The following ASH1L variants were observed in gnomAD, a reference collection of about 807,000 sequenced individuals.
ASH1L encodes the protein histone-lysine N-methyltransferase ASH1L.
In ASH1L, 23 loss-of-function variants were observed where a neutral mutation model predicts 269.0. The ratio of observed to expected loss-of-function variants is 0.09; its 90% CI spans 0.06 to 0.12. The LOEUF is 0.12. Among genes scored for constraint, ASH1L ranks in the 10% least tolerant of loss-of-function variants. ASH1L has a pLI of 1.00. For missense variants in ASH1L, 2,912 were observed against 3,567.8 expected (o/e 0.82, Z 4.68); for synonymous variants, 1,187 against 1,253.5 (o/e 0.95, Z 1.12).
intron 10 of ASH1L, among the ~76,000 whole-genome samples, chr1:155,377,145 G>C (rs1656527450): frequency 6.6e-6 from 1 of 151,608 alleles, no homozygotes; most frequent in South Asian, 2.1e-4. Context: ...GACCTCAGGT[G>C]ACCTGCCTGC....
At chr1:155,405,113 TA>T (rs964746120) in intron 6 of ASH1L, among the ~76,000 whole-genome samples, 6 of 148,982 alleles carry the variant, frequency 4.0e-5, no homozygotes, top group South Asian at 4.3e-4. Flanking sequence ...AGCAGTAAAT[TA>T]AAAAAAAATT....
intron 3 of ASH1L, among the ~76,000 whole-genome samples, chr1:155,476,294 G>C (rs1212710302): frequency 6.6e-6 from 1 of 151,980 alleles, no homozygotes; most frequent in East Asian, 2.0e-4. Context: ...GGTGAGGCAG[G>C]AGAATCGCTT....
intron 6 of ASH1L, among the ~76,000 whole-genome samples, chr1:155,407,803 C>G (rs1369279036): frequency 6.6e-6 from 1 of 151,660 alleles, no homozygotes; most frequent in Non-Finnish European, 1.5e-5. Flanking sequence ...TGAAAAAACT[C>G]AGTCACAAAA....
Position 155,545,175 on chromosome 1 carries a change from C to CAAAAAAAAAAAAAAAA in ASH1L, c.-100+16962_-100+16977dup, listed in dbSNP as rs10624841. On this transcript the variant is annotated intron_variant, in intron 1 of 27. Coordinates refer to ENST00000392403, the MANE Select transcript of ASH1L (RefSeq NM_018489.3). ...CAAGAAGAGCAAAACTCCATCTCAC[C>CAAAAAAAAAAAAAAAA]AAAAAAAAAAAAAAAAAAAAAAAAA... 2.8e-4 allele frequency among the ~76,000 whole-genome samples: 6 copies of CAAAAAAAAAAAAAAAA among 21,778 alleles called. 1 individual carries two copies. Among genetic ancestry groups the CAAAAAAAAAAAAAAAA allele is most frequent in the African/African-American group, 8.6e-4 (4 of 4,634 alleles). 14.3% of individuals were successfully genotyped at this position (21,778 alleles called of 152,430 possible).
chr1:155,551,269 T>C (rs1671180494), intron 1 of ASH1L, among the ~76,000 whole-genome samples: 1 of 151,168 alleles, frequency 6.6e-6, no homozygotes, highest in African/African-American at 2.5e-5. Context: ...ACACAGTATC[T>C]TTTCCTCGGG....
intron 13 of ASH1L, among the ~76,000 whole-genome samples, chr1:155,359,749 C>A (rs1654771492): frequency 6.6e-6 from 1 of 152,034 alleles, no homozygotes; most frequent in African/African-American, 2.4e-5. Flanking sequence ...CTAGTTTTTG[C>A]ATTTTTTTGG....
At chr1:155,409,634 TA>T (rs1335406668) in intron 6 of ASH1L, among the ~76,000 whole-genome samples, 2 of 152,198 alleles carry the variant, frequency 1.3e-5, no homozygotes, top group Admixed American at 6.5e-5. Context: ...AAGTTTTATT[TA>T]TTTTTATTTT....
chr1:155,339,890 G>A (rs960673219), intron 25 of ASH1L, among the ~76,000 whole-genome samples: 1 of 152,026 alleles, frequency 6.6e-6, no homozygotes, highest in African/African-American at 2.4e-5. Flanking sequence ...AGTATGTTAC[G>A]ACAGCTATGA....
intron 1 of ASH1L, among the ~76,000 whole-genome samples, chr1:155,528,936 G>A (rs1254062750): frequency 1.3e-5 from 2 of 151,970 alleles, no homozygotes; most frequent in African/African-American, 4.8e-5. Flanking sequence ...CCATTTATAT[G>A]TGAGAACATA....
intron 25 of ASH1L, among the ~76,000 whole-genome samples, chr1:155,341,622 C>T (rs922568388): frequency 5.9e-5 from 9 of 152,090 alleles, no homozygotes; most frequent in African/African-American, 2.4e-5. Context: ...AGGGTTCTTG[C>T]TTCTTAAAAT....
intron 12 of ASH1L, among the ~76,000 whole-genome samples, chr1:155,360,975 T>G (rs1039984018): frequency 1.3e-5 from 2 of 151,770 alleles, no homozygotes; most frequent in Admixed American, 6.6e-5. Context: ...GCGCCGTAGC[T>G]CACGCCTGTA....
intron 17 of ASH1L, among the ~76,000 whole-genome samples, chr1:155,351,302 C>A (rs886130870): frequency 1.3e-5 from 2 of 151,840 alleles, no homozygotes; most frequent in African/African-American, 2.4e-5. Context: ...GTAATCCCAG[C>A]ACTTTGGGAG....
chr1:155,423,753 C>T (rs909503524), intron 5 of ASH1L, among the ~76,000 whole-genome samples: 3 of 152,102 alleles, frequency 2.0e-5, no homozygotes, highest in Non-Finnish European at 4.4e-5. Flanking sequence ...TCTTTTGAGA[C>T]GGAGTCTCAG....
chr1:155,384,244 C>G (rs1657222903), intron 7 of ASH1L, among the ~76,000 whole-genome samples: 1 of 152,156 alleles, frequency 6.6e-6, no homozygotes, highest in South Asian at 2.1e-4. Context: ...CTGCTGGCAA[C>G]AAACTCTCTT....
intron 4 of ASH1L, among the ~76,000 whole-genome samples, chr1:155,444,156 G>A (rs1361392296): frequency 6.6e-6 from 1 of 151,448 alleles, no homozygotes; most frequent in Non-Finnish European, 1.5e-5. Context: ...GCTAATTTTT[G>A]TTTTTAGTAG....
At chr1:155,466,391 GTTT>G (rs891446747) in intron 3 of ASH1L, among the ~76,000 whole-genome samples, 1 of 151,828 alleles carries the variant, frequency 6.6e-6, no homozygotes, top group Non-Finnish European at 1.5e-5. Flanking sequence ...CAAAAACTCT[GTTT>G]TTTTCTCTAA....
chr1:155,354,412 C>T, intron 16 of ASH1L, 61 bp downstream of exon 16: 2 of 1,496,088 alleles, frequency 1.3e-6, no homozygotes, highest in South Asian at 2.5e-5. Context: ...CATTGCACTC[C>T]AGTCTGGGCA....
chr1:155,442,151 T>C (rs1662633927), intron 4 of ASH1L, among the ~76,000 whole-genome samples: 1 of 152,140 alleles, frequency 6.6e-6, no homozygotes, highest in African/African-American at 2.4e-5. Flanking sequence ...TGTGAGATGA[T>C]AACTGATTAT....
At chr1:155,450,334 A>G (rs929400582) in intron 4 of ASH1L, among the ~76,000 whole-genome samples, 1 of 152,210 alleles carries the variant, frequency 6.6e-6, no homozygotes, top group African/African-American at 2.4e-5. Context: ...TCTGTGGGAT[A>G]TAGTTTTAAT....
Sources: gnomAD v4.1 joint callset for allele counts (sites outside exome capture counted in the v4.1 genomes callset) on GRCh38, gnomAD v4.1.1 for gene constraint, MANE v1.5 for transcripts, NCBI Gene and HGNC (gene_info 2026-07-23, HGNC 2026-07-21) for gene names.